The following SLC26A7 variants were observed in gnomAD, a reference collection of about 807,000 sequenced individuals.
The protein encoded by SLC26A7 is anion exchange transporter.
In SLC26A7, 59 loss-of-function variants were observed where a neutral mutation model predicts 82.5. The ratio of observed to expected loss-of-function variants is 0.72; its 90% confidence interval spans 0.58 to 0.89. The LOEUF is 0.89. Ranked by LOEUF, SLC26A7 falls within the 40% of genes least tolerant of loss-of-function variation. The pLI is 0.00. For synonymous variants in SLC26A7, 271 were observed against 274.3 expected, an observed-to-expected ratio of 0.99 and a Z score of 0.12; for missense variants, 820 against 793.0, an observed-to-expected ratio of 1.03 and a Z score of -0.41.
intron 2 of SLC26A7, among the ~76,000 whole-genome samples, chr8:91,256,375 G>C (rs1810803376): frequency 6.6e-6 from 1 of 152,102 alleles, no homozygotes; most frequent in Non-Finnish European, 1.5e-5. Context: ...ACTGATTCAA[G>C]AATAAGGTCT....
intron 13 of SLC26A7, among the ~76,000 whole-genome samples, chr8:91,365,418 G>C (rs1036973466): frequency 3.3e-5 from 5 of 152,186 alleles, no homozygotes; most frequent in Non-Finnish European, 5.9e-5. Flanking sequence ...ACAGGCCATG[G>C]GTTGGACAAG....
chr8:91,217,878 A>C (rs1810082688), intron 1 of SLC26A7, among the ~76,000 whole-genome samples: 1 of 152,176 alleles, frequency 6.6e-6, no homozygotes, highest in Admixed American at 6.6e-5. Flanking sequence ...TTTTACAGTT[A>C]GGATAGTGCT....
At chr8:91,281,580 CA>C (rs1811574903) in intron 2 of SLC26A7, among the ~76,000 whole-genome samples, 1 of 152,166 alleles carries the variant, frequency 6.6e-6, no homozygotes, top group African/African-American at 2.4e-5. Flanking sequence ...CATGTTCAAC[CA>C]GTACATAAAC....
intron 4 of SLC26A7, among the ~76,000 whole-genome samples, chr8:91,305,956 T>C (rs955875453): frequency 5.9e-5 from 9 of 152,188 alleles, no homozygotes; most frequent in African/African-American, 2.2e-4. Context: ...GTGTGCACCA[T>C]AGTTCTTGGC....
At chr8:91,342,081 C>T (rs1186995287) in intron 8 of SLC26A7, among the ~76,000 whole-genome samples, 7 of 151,786 alleles carry the variant, frequency 4.6e-5, no homozygotes, top group Non-Finnish European at 7.4e-5. Context: ...GCATGCACCA[C>T]CATGCCTGGC....
intron 2 of SLC26A7, among the ~76,000 whole-genome samples, chr8:91,252,266 G>A (rs140171482): frequency 7.9e-5 from 12 of 151,882 alleles, no homozygotes; most frequent in South Asian, 4.2e-4. Flanking sequence ...GTTGTTTTTC[G>A]TTCTTCTTTC....
chr8:91,349,349 C>G (rs572512630), intron 9 of SLC26A7, among the ~76,000 whole-genome samples: 15 of 152,212 alleles, frequency 9.9e-5, no homozygotes, highest in African/African-American at 3.6e-4. Context: ...CCATTTAACT[C>G]TTGACTTATT....
At chr8:91,391,449 G>A (rs1048411115) in intron 16 of SLC26A7, among the ~76,000 whole-genome samples, 2 of 152,136 alleles carry the variant, frequency 1.3e-5, no homozygotes, top group African/African-American at 2.4e-5. Context: ...TTAGCAAGTC[G>A]CCCTTTCTCC....
chr8:91,291,738 T>A (rs1459330098), intron 3 of SLC26A7, among the ~76,000 whole-genome samples: 1 of 152,258 alleles, frequency 6.6e-6, no homozygotes, highest in African/African-American at 2.4e-5. Context: ...TAAGACTCTA[T>A]ATTTAACAAA....
intron 2 of SLC26A7, among the ~76,000 whole-genome samples, chr8:91,269,911 T>C (rs1489260077): frequency 6.6e-6 from 1 of 152,236 alleles, no homozygotes. Context: ...ATTGTATTTT[T>C]ATTTCAAGGA....
intron 5 of SLC26A7, among the ~76,000 whole-genome samples, chr8:91,325,349 T>G (rs1812903202): frequency 6.6e-6 from 1 of 152,128 alleles, no homozygotes; most frequent in African/African-American, 2.4e-5. Flanking sequence ...GTTTCCCCAT[T>G]CTTTCTTCCT....
At chr8:91,279,149 ATATATATATATATATATG>A (rs1196596914) in intron 2 of SLC26A7, among the ~76,000 whole-genome samples, 2 of 110,466 alleles carry the variant, frequency 1.8e-5, no homozygotes, top group African/African-American at 8.0e-5. Flanking sequence ...ATATATATAT[ATATATATATATATATATG>A]TATCACATTT....
Position 91,395,137 on chromosome 8 carries a change from G to T in SLC26A7, c.*40G>T. On this transcript the variant is annotated 3_prime_UTR_variant, in exon 19 of 19. Transcript: ENST00000276609. ...AGTACAGCTCTTGTCTTTACCAACTGCCTGAAGAGGCCATATGCTGGCATT... is the reference window on the plus strand; with the variant it reads ...AGTACAGCTCTTGTCTTTACCAACTTCCTGAAGAGGCCATATGCTGGCATT... 6.2e-7 allele frequency: 1 copy of T among 1,611,710 alleles called. No individual in the cohort carries two copies. The highest frequency in any genetic ancestry group is 1.1e-5 in the South Asian group (1 of 90,768).
At chr8:91,337,648 A>G (rs1184236401) in intron 6 of SLC26A7, among the ~76,000 whole-genome samples, 1 of 152,198 alleles carries the variant, frequency 6.6e-6, no homozygotes, top group Non-Finnish European at 1.5e-5. Context: ...AAGAAATAGT[A>G]AAAGCTAAAA....
intron 2 of SLC26A7, among the ~76,000 whole-genome samples, chr8:91,226,348 T>C (rs1810240052): frequency 6.6e-6 from 1 of 152,228 alleles, no homozygotes; most frequent in African/African-American, 2.4e-5. Context: ...AATGAGAGTT[T>C]CTAATGTTAT....
intron 2 of SLC26A7, among the ~76,000 whole-genome samples, chr8:91,259,607 A>G (rs1810904782): frequency 6.6e-6 from 1 of 152,048 alleles, no homozygotes; most frequent in Non-Finnish European, 1.5e-5. Flanking sequence ...TGTTCCCTTC[A>G]GCATCATATG....
chr8:91,231,155 C>T (rs752963255), intron 2 of SLC26A7, among the ~76,000 whole-genome samples: 9 of 151,972 alleles, frequency 5.9e-5, no homozygotes, highest in Admixed American at 2.6e-4. Context: ...TTATGATAGA[C>T]GTGGGAAATT....
rs1386380375 is a variant in SLC26A7, at chr8:91,234,827, A to ACCTCCTTCCTTC, written c.-33-14791_-33-14790insCTCCTTCCTTCC. On this transcript the variant is annotated intron_variant, in intron 2 of 5. Coordinates refer to the SLC26A7 transcript ENST00000522862. ...TACCTACCTACCTACCTACCTACCTACTTCCTTCCTTCCTTCCTTCCTTCC... is the reference window on the plus strand; with the variant it reads ...TACCTACCTACCTACCTACCTACCTACCTCCTTCCTTCCTTCCTTCCTTCCTTCCTTCCTTCC... 2.1e-4 allele frequency among the ~76,000 whole-genome samples: 19 copies of ACCTCCTTCCTTC among 92,538 alleles called. No individual in the cohort carries two copies. The East Asian group carries it at 5.5e-3, about 27-fold the overall frequency. The allele number at this position is 92,538 out of a possible 152,430, so 60.7% of individuals were successfully genotyped here. A position where few individuals can be genotyped will look rare whatever the true frequency, so the allele number is the denominator to read the frequency against.
intron 18 of SLC26A7, chr8:91,394,644 A>T: frequency 8.8e-7 from 1 of 1,132,716 alleles, no homozygotes; most frequent in Non-Finnish European, 1.1e-6. Flanking sequence ...AGTCATCCCT[A>T]TTGTATACAA....
Sources: gnomAD v4.1 joint callset for allele counts (sites outside exome capture counted in the v4.1 genomes callset) on GRCh38, gnomAD v4.1.1 for gene constraint, MANE v1.5 for transcripts, NCBI Gene and HGNC (gene_info 2026-07-23, HGNC 2026-07-21) for gene names.